The following PAG1 variants were observed in gnomAD, a reference collection of about 807,000 sequenced individuals.
PAG1 encodes phosphoprotein membrane anchor with glycosphingolipid microdomains 1.
Under a neutral mutation model 31.7 loss-of-function variants are expected in PAG1, and 23 were observed. The ratio of observed to expected loss-of-function variants is 0.73; its 90% CI spans 0.52 to 1.03. The LOEUF (loss-of-function observed/expected upper bound fraction) is 1.03, where lower values mean the gene tolerates loss of function less well. Ranked by LOEUF, PAG1 falls within the 50% of genes least tolerant of loss-of-function variation. The pLI is 0.00. For synonymous variants in PAG1, 214 were observed against 210.3 expected, an observed-to-expected ratio of 1.02 and a Z score of -0.15; for missense variants, 473 against 540.7, an observed-to-expected ratio of 0.87 and a Z score of 1.24.
intron 1 of PAG1, among the ~76,000 whole-genome samples, chr8:81,075,313 A>G (rs1433979973): frequency 6.6e-6 from 1 of 152,256 alleles, no homozygotes; most frequent in Non-Finnish European, 1.5e-5. Flanking sequence ...AAAAGAGAAA[A>G]CAGTTGTGTA....
intron 3 of PAG1, among the ~76,000 whole-genome samples, chr8:81,023,751 C>T (rs907749273): frequency 6.6e-6 from 1 of 151,780 alleles, no homozygotes; most frequent in Non-Finnish European, 1.5e-5. Context: ...TATAAATGTC[C>T]TAATAGACTA....
At chr8:81,071,691 C>T (rs1280679377) in intron 1 of PAG1, among the ~76,000 whole-genome samples, 2 of 152,144 alleles carry the variant, frequency 1.3e-5, no homozygotes, top group African/African-American at 4.8e-5. Context: ...ATACAAGGGG[C>T]ACACAAAGGC....
chr8:81,006,004 G>A (rs1303220920), intron 3 of PAG1, among the ~76,000 whole-genome samples: 5 of 152,056 alleles, frequency 3.3e-5, no homozygotes, highest in African/African-American at 9.7e-5. Flanking sequence ...GTGCAGTGGC[G>A]CGATCTCGAC....
At chr8:81,014,507 C>T (rs1195243118) in intron 3 of PAG1, among the ~76,000 whole-genome samples, 1 of 152,256 alleles carries the variant, frequency 6.6e-6, no homozygotes, top group Non-Finnish European at 1.5e-5. Flanking sequence ...GCAACACCAT[C>T]AGCAAACCTG....
At chr8:80,993,045 T>C (rs1405889679) in intron 4 of PAG1, 58 bp downstream of exon 4, 12 of 1,479,082 alleles carry the variant, frequency 8.1e-6, no homozygotes, top group Non-Finnish European at 1.0e-5. Flanking sequence ...ACAGAAACTC[T>C]TCTGGGTACA....
intron 1 of PAG1, among the ~76,000 whole-genome samples, chr8:81,078,576 G>A (rs1809214178): frequency 6.6e-6 from 1 of 152,160 alleles, no homozygotes; most frequent in East Asian, 1.9e-4. Context: ...TCAAATGCAG[G>A]CAATCCTTCA....
In PAG1 at chr8:81,105,826, T is replaced by G. The variant is rs1184071829; in HGVS notation, c.-234+5765A>C. 2.0e-5 allele frequency among the ~76,000 whole-genome samples: 3 copies of G among 152,238 alleles called. No homozygotes were observed. In the East Asian group the frequency reaches 5.8e-4, roughly 29 times the overall value. ...ACCCTTCATTCCTCAGAGAATAAAT[T>G]CACATAAAAGCTTACATATGCAACC... On this transcript the variant is annotated intron_variant, in intron 1 of 8. Transcript: ENST00000220597.
At chr8:81,011,947 G>A (rs910958773) in intron 3 of PAG1, among the ~76,000 whole-genome samples, 2 of 152,174 alleles carry the variant, frequency 1.3e-5, no homozygotes, top group Admixed American at 6.5e-5. Context: ...GTCTGAAACT[G>A]TACTTCCAAT....
At chr8:81,009,242 A>G (rs1039736431) in intron 3 of PAG1, among the ~76,000 whole-genome samples, 1 of 152,170 alleles carries the variant, frequency 6.6e-6, no homozygotes, top group Non-Finnish European at 1.5e-5. Flanking sequence ...TGTCTTTATT[A>G]TAACAACTTC....
In PAG1 at chr8:80,976,702, C is replaced by T. The variant is rs986205908; in HGVS notation, c.1141G>A (p.Glu381Lys). Residue 381 changes from glutamate to lysine, a missense_variant, in exon 9 of 9, where the codon GAG becomes AAG. Glu to Lys is a moderately conservative substitution (Grantham distance 56). Coordinates refer to ENST00000220597, the MANE Select transcript of PAG1 (RefSeq NM_018440.4). ...STLPPAGRPS[E>K]EPEPDYEAIQ... ...GCTTCATAATCAGGCTCTGGCTCCT[C>T]GCTGGGCCTCCCTGCTGGTGGAAGT... 3 of 1,614,166 alleles carry T rather than the reference C, an allele frequency of 1.9e-6. No homozygotes were observed. Among genetic ancestry groups the T allele is most frequent in the Non-Finnish European group, 2.5e-6 (3 of 1,180,012 alleles).
intron 3 of PAG1, among the ~76,000 whole-genome samples, chr8:81,006,668 A>T (rs1266456844): frequency 6.6e-6 from 1 of 150,428 alleles, no homozygotes; most frequent in East Asian, 2.0e-4. Flanking sequence ...GAGATTTTCC[A>T]TTTTTTTTTT....
chr8:81,084,180 C>T (rs1400081229), intron 1 of PAG1, among the ~76,000 whole-genome samples: 1 of 152,086 alleles, frequency 6.6e-6, no homozygotes, highest in Non-Finnish European at 1.5e-5. Context: ...AGTCTTCTTA[C>T]GTTTGTTTTA....
intron 5 of PAG1, among the ~76,000 whole-genome samples, chr8:80,988,529 T>C (rs1481424774): frequency 1.3e-5 from 2 of 152,164 alleles, no homozygotes; most frequent in Non-Finnish European, 2.9e-5. Flanking sequence ...AGCATGATTA[T>C]AGCTCACTGA....
Position 81,053,371 on chromosome 8 carries a change from G to A in PAG1, c.-175+16741C>T, listed in dbSNP as rs1458494084. Among the ~76,000 whole-genome samples, 3 of 152,194 alleles carry A rather than the reference G, an allele frequency of 2.0e-5. No homozygotes were observed. In the South Asian group the frequency reaches 6.2e-4, roughly 32 times the overall value. The stretch of plus-strand genomic sequence containing the variant: ...CATTTTACAATATTCTGACTTTCTA[G>A]CATTCTTTAATTCTTACTTGTGAAA... On this transcript the variant is annotated intron_variant, in intron 2 of 8. Transcript: ENST00000220597.
chr8:81,087,814 A>T (rs1197596566), intron 1 of PAG1, among the ~76,000 whole-genome samples: 3 of 152,198 alleles, frequency 2.0e-5, no homozygotes, highest in African/African-American at 7.2e-5. Context: ...TGGGCTGGTC[A>T]GGCACCCTGC....
intron 1 of PAG1, among the ~76,000 whole-genome samples, chr8:81,110,375 C>A (rs536938799): frequency 1.3e-5 from 2 of 152,264 alleles, no homozygotes; most frequent in South Asian, 4.1e-4. Flanking sequence ...CTGCATGGTA[C>A]TTCAAAGTAC....
At chr8:81,011,927 A>C (rs1240980489) in intron 3 of PAG1, among the ~76,000 whole-genome samples, 1 of 152,202 alleles carries the variant, frequency 6.6e-6, no homozygotes, top group South Asian at 2.1e-4. Context: ...GAAGGCAGCT[A>C]GACATTAATG....
rs77342698 is a variant in PAG1 at position 81,016,931 on chromosome 8, G to T, written c.-81+13065C>A. On this transcript the variant is annotated intron_variant, in intron 3 of 8. Transcript: ENST00000220597. ...AGGTTGACCCTGCTGATGACTGAGAGGCCAAAGGAACAGAGCTTGGTCAGC... is the reference window on the plus strand; with the variant it reads ...AGGTTGACCCTGCTGATGACTGAGATGCCAAAGGAACAGAGCTTGGTCAGC... Among the ~76,000 whole-genome samples, 792 of 152,254 alleles carry T rather than the reference G, an allele frequency of 5.2e-3. 6 individuals carry two copies. Among genetic ancestry groups the T allele is most frequent in the African/African-American group, 0.018 (767 of 41,554 alleles).
intron 2 of PAG1, among the ~76,000 whole-genome samples, chr8:81,030,583 T>C (rs1027593014): frequency 6.6e-6 from 1 of 152,224 alleles, no homozygotes; most frequent in African/African-American, 2.4e-5. Flanking sequence ...GCGTGAACAG[T>C]GTCACCTGGA....
Sources: gnomAD v4.1 joint callset for allele counts (sites outside exome capture counted in the v4.1 genomes callset) on GRCh38, gnomAD v4.1.1 for gene constraint, MANE v1.5 for transcripts, NCBI Gene and HGNC (gene_info 2026-07-23, HGNC 2026-07-21) for gene names.